Variants in TRAPPC12 observed in about 807,000 individuals in gnomAD.
The protein encoded by TRAPPC12 is trafficking protein particle complex subunit 12.
Under a neutral mutation model 69.2 loss-of-function variants are expected in TRAPPC12, and 61 were observed. That is an observed-to-expected ratio of 0.88 (90% confidence interval 0.72 to 1.09). TRAPPC12 has a LOEUF of 1.09. Among genes scored for constraint, TRAPPC12 ranks in the 50% least tolerant of loss-of-function variants. TRAPPC12 has a pLI of 0.00. For synonymous variants in TRAPPC12, 469 were observed against 438.9 expected (o/e 1.07, Z -0.86); for missense variants, 1,101 against 1,016.4 (o/e 1.08, Z -1.13).
chr2:3,469,960 G>A (rs1665989972), intron 9 of TRAPPC12, among the ~76,000 whole-genome samples: 2 of 152,242 alleles, frequency 1.3e-5, no homozygotes, highest in African/African-American at 4.8e-5. Flanking sequence ...TGTGCATGGA[G>A]ATACAAGGGA....
In TRAPPC12 at chr2:3,465,649, A is replaced by G. The variant is rs762185727; in HGVS notation, c.1730A>G (p.Glu577Gly). Residue 577 changes from glutamate (E) to glycine (G), a missense_variant, in exon 9 of 12, where the codon GAG (glutamate) becomes GGG (glycine). Coordinates refer to ENST00000324266, the MANE Select transcript of TRAPPC12 (RefSeq NM_016030.6). The stretch of plus-strand genomic sequence containing the variant: ...CATTCGGTTATCAAGTATTACCCAG[A>G]GCAAGAGCCCCAGCTGCTCAGCGGC... ...AYHSVIKYYPEQEPQLLSGIG... is the reference protein window; with the variant it reads ...AYHSVIKYYPGQEPQLLSGIG... 15 of 1,614,212 alleles carry G rather than the reference A, an allele frequency of 9.3e-6. No homozygotes were observed. The South Asian group carries it at 1.5e-4, about 17-fold the overall frequency.
intron 10 of TRAPPC12, 117 bp downstream of exon 10, chr2:3,477,912 CCT>C (rs2103179871): frequency 1.7e-6 from 1 of 588,338 alleles, no homozygotes; most frequent in South Asian, 3.1e-5. Flanking sequence ...CTCCTCTTGC[CCT>C]GTGTCTCTCA....
chr2:3,427,123 A>G (rs1315461251), intron 5 of TRAPPC12, among the ~76,000 whole-genome samples: 3 of 152,240 alleles, frequency 2.0e-5, no homozygotes, highest in Non-Finnish European at 1.5e-5. Flanking sequence ...CCTGGTAGCT[A>G]TCATAGTCAA....
Position 3,383,556 on chromosome 2 carries a change from G to T in TRAPPC12, c.-5+3680G>T, listed in dbSNP as rs369854547. 1.7e-3 allele frequency among the ~76,000 whole-genome samples: 262 copies of T among 151,202 alleles called. 1 individual carries two copies. The highest frequency in any genetic ancestry group is 6.1e-3 in the African/African-American group (252 of 41,116). On this transcript the variant is annotated intron_variant, in intron 1 of 11. Transcript: ENST00000324266. ...AGAGTAGCTGGGATTACAGGTGCCC[G>T]CCACCACACCTGGCTAATTTTTGTA...
At chr2:3,398,522 C>T (rs1490603628) in intron 2 of TRAPPC12, among the ~76,000 whole-genome samples, 1 of 152,232 alleles carries the variant, frequency 6.6e-6, no homozygotes, top group African/African-American at 2.4e-5. Flanking sequence ...GTGTTCTGTG[C>T]CAGGTGCAGG....
At chr2:3,386,321 A>G (rs1188834731) in intron 1 of TRAPPC12, among the ~76,000 whole-genome samples, 1 of 152,218 alleles carries the variant, frequency 6.6e-6, no homozygotes, top group Non-Finnish European at 1.5e-5. Context: ...TGAGAGTAAA[A>G]CTACATAAAG....
chr2:3,383,982 G>A (rs780598746), intron 1 of TRAPPC12, among the ~76,000 whole-genome samples: 5 of 131,214 alleles, frequency 3.8e-5, no homozygotes, highest in Non-Finnish European at 6.2e-5. Context: ...TGCAACCTCC[G>A]CCTCCTGGGT....
chr2:3,388,178 C>G lies in TRAPPC12; in HGVS notation c.555C>G (p.Phe185Leu). The G allele has an allele frequency of 6.2e-7, 1 of 1,608,670 alleles. No homozygotes were observed. Among genetic ancestry groups the G allele is most frequent in the Non-Finnish European group, 8.5e-7 (1 of 1,177,624 alleles). Residue 185 changes from phenylalanine to leucine, a missense_variant, in exon 2 of 12, where the codon TTC (phenylalanine) becomes TTG (leucine). Phe to Leu is a conservative substitution (Grantham distance 22, BLOSUM62 0). Transcript: ENST00000324266. ...CGCAGATGGTGAAGTCGCCCAGCTTCGGTGGCGCCAGCGAGGCCTCGGCCA... is the reference window on the plus strand; with the variant it reads ...CGCAGATGGTGAAGTCGCCCAGCTTGGGTGGCGCCAGCGAGGCCTCGGCCA... ...FEPQMVKSPS[F>L]GGASEASART...
chr2:3,403,230 A>ATTTTTTTT (rs35354979), intron 3 of TRAPPC12, among the ~76,000 whole-genome samples: 4 of 119,400 alleles, frequency 3.4e-5, no homozygotes, highest in African/African-American at 1.3e-4. Context: ...GATTTCACCA[A>ATTTTTTTT]TTTTTTTTTT....
At chr2:3,435,442 A>T (rs1663714625) in intron 5 of TRAPPC12, among the ~76,000 whole-genome samples, 1 of 152,190 alleles carries the variant, frequency 6.6e-6, no homozygotes, top group South Asian at 2.1e-4. Context: ...GCTAGTTTTA[A>T]TTGTGATTTT....
intron 9 of TRAPPC12, among the ~76,000 whole-genome samples, chr2:3,467,202 G>A (rs531434131): frequency 1.3e-5 from 2 of 152,096 alleles, no homozygotes; most frequent in Non-Finnish European, 2.9e-5. Flanking sequence ...GGAAGCCCTC[G>A]GTGTTCGCTT....
At chr2:3,410,643 T>G (rs1429740332) in intron 3 of TRAPPC12, among the ~76,000 whole-genome samples, 2 of 152,218 alleles carry the variant, frequency 1.3e-5, no homozygotes, top group East Asian at 3.8e-4. Flanking sequence ...TCTTACTTGT[T>G]TAAAAAATAC....
At chr2:3,442,853 T>C (rs1664295912) in intron 5 of TRAPPC12, among the ~76,000 whole-genome samples, 1 of 152,252 alleles carries the variant, frequency 6.6e-6, no homozygotes, top group Admixed American at 6.5e-5. Context: ...TCAGACTATA[T>C]TCCAGATCCG....
rs115350568 is a variant in TRAPPC12, at chr2:3,383,861, G to T, written c.-4-3759G>T. Among the ~76,000 whole-genome samples the T allele has an allele frequency of 1.0e-3, 127 of 122,088 alleles. 2 individuals are homozygous for T. Among genetic ancestry groups the T allele is most frequent in the African/African-American group, 3.4e-3 (122 of 35,862 alleles). The allele number at this position is 122,088 out of a possible 152,430, so 80.1% of individuals were successfully genotyped here. A position where few individuals can be genotyped will look rare whatever the true frequency, so the allele number is the denominator to read the frequency against. On this transcript the variant is annotated intron_variant, in intron 1 of 11. Transcript: ENST00000324266. ...GTGTGCTACATATTCCCTTGTGATA[G>T]TTCAGTCTTGTTTTTTTTTTTTTTT...
rs569793446 is a variant in TRAPPC12, at chr2:3,468,764, G to A, written c.1776+3069G>A. On this transcript the variant is annotated intron_variant, in intron 9 of 11. Transcript: ENST00000324266. ...TGGGCTGTAGGAAGGGGCAAAAGCC[G>A]TGTCCCCACGCACGTATCCGGACAC... Among the ~76,000 whole-genome samples the A allele has an allele frequency of 1.4e-4, 21 of 151,766 alleles. No homozygotes were observed. In the South Asian group the frequency reaches 2.7e-3, roughly 20 times the overall value.
rs1356693169 is a variant in TRAPPC12, at chr2:3,387,928, C to T, written c.305C>T (p.Pro102Leu). 15 of 1,510,504 alleles carry T rather than the reference C, an allele frequency of 9.9e-6. No homozygotes were observed. The highest frequency in any genetic ancestry group is 1.3e-5 in the South Asian group (1 of 79,230). The allele number at this position is 1,510,504 out of a possible 1,614,324, so 93.6% of individuals were successfully genotyped here. A position where few individuals can be genotyped will look rare whatever the true frequency, so the allele number is the denominator to read the frequency against. The change falls in exon 2 of 12, where the codon CCG becomes CTG. Residue 102 changes from proline to leucine, a missense_variant. Pro to Leu is a moderately conservative substitution (Grantham distance 98). Coordinates refer to ENST00000324266, the MANE Select transcript of TRAPPC12 (RefSeq NM_016030.6). ...CCCGGAGGGGAAGGCGACCCAGGCC[C>T]GGAGCCCGCGGGCACCCCGAGTCCC... ...AEPGGEGDPG[P>L]EPAGTPSPSG...
chr2:3,456,326 G>A (rs1665148798), intron 6 of TRAPPC12: 1 of 152,150 alleles, frequency 6.6e-6, no homozygotes, highest in Non-Finnish European at 1.5e-5. Flanking sequence ...CTCCTGGGGT[G>A]GGCCGTGTGG....
At chr2:3,402,920 C>T (rs1661527408) in intron 3 of TRAPPC12, among the ~76,000 whole-genome samples, 6 of 152,138 alleles carry the variant, frequency 3.9e-5, no homozygotes. Context: ...TGCTCCCATG[C>T]CTGCATGCAG....
rs1251912400 is a variant in TRAPPC12 at position 3,401,850 on chromosome 2, C to T, written c.1121C>T (p.Ala374Val). 2 of 1,601,852 alleles carry T rather than the reference C, an allele frequency of 1.2e-6. No individual in the cohort carries two copies. The highest frequency in any genetic ancestry group is 1.1e-5 in the South Asian group (1 of 88,592). ...KAAAKRQVLN[A>V]DSVEQSFVGL... ...GCAGCAAAGAGACAAGTCCTAAATG[C>T]CGACTCAGTGGAACAATCTTTTGTT... Residue 374 changes from alanine to valine, a missense_variant, in exon 3 of 12, where the codon GCC becomes GTC. Physicochemically the swap from Ala to Val is moderately conservative, Grantham distance 64 (BLOSUM62 0). Transcript: ENST00000324266.
Sources: gnomAD v4.1 joint callset for allele counts (sites outside exome capture counted in the v4.1 genomes callset) on GRCh38, gnomAD v4.1.1 for gene constraint, MANE v1.5 for transcripts, NCBI Gene and HGNC (gene_info 2026-07-23, HGNC 2026-07-21) for gene names.